The following SLC25A28 variants were observed in gnomAD, a reference collection of about 807,000 sequenced individuals.
SLC25A28 encodes the protein solute carrier family 25 member 28.
SLC25A28 carries 10 observed loss-of-function variants against 31.9 expected under a neutral mutation model. That is an observed-to-expected ratio of 0.31 (90% CI 0.19 to 0.53). SLC25A28 has a LOEUF of 0.53. Ranked by LOEUF, SLC25A28 falls within the 20% of genes least tolerant of loss-of-function variation. The pLI is 0.95. For missense variants in SLC25A28, 256 were observed against 490.3 expected (o/e 0.52, Z 4.51); for synonymous variants, 208 against 203.6 (o/e 1.02, Z -0.19).
upstream of SLC25A28, among the ~76,000 whole-genome samples, chr10:99,624,891 C>T (rs996614328): frequency 6.6e-6 from 1 of 152,104 alleles, no homozygotes; most frequent in South Asian, 2.1e-4. Context: ...AAACCCTCAG[C>T]AGTTTCCTGC....
chr10:99,655,470 T>C, the SLC25A28 span, among the ~76,000 whole-genome samples: 1 of 152,160 alleles, frequency 6.6e-6, no homozygotes, highest in Non-Finnish European at 1.5e-5. Context: ...ATACTTCCAC[T>C]CAAAAACACC....
At chr10:99,636,366 G>T in the SLC25A28 span, among the ~76,000 whole-genome samples, 1 of 152,134 alleles carries the variant, frequency 6.6e-6, no homozygotes, top group African/African-American at 2.4e-5. Context: ...ACCTGCTCCC[G>T]AATGAGCATT....
At chr10:99,614,986 T>C (rs1225812041) in intron 1 of SLC25A28, among the ~76,000 whole-genome samples, 1 of 152,232 alleles carries the variant, frequency 6.6e-6, no homozygotes, top group Admixed American at 6.5e-5. Context: ...GGTGAGCCAA[T>C]GGAAGCAAGT....
Position 99,613,718 on chromosome 10 carries a change from C to T in SLC25A28, c.498G>A (p.Gly166=), listed in dbSNP as rs1307277333. The part of the protein sequence containing the change: ...KKTLSDVIHP[G]GNSHIANGAA... ...TACCATTGGCAATATGGCTATTGCCCCCAGGGTGGATTACATCACTCAATG... is the reference window on the plus strand; with the variant it reads ...TACCATTGGCAATATGGCTATTGCCTCCAGGGTGGATTACATCACTCAATG... The change falls in exon 2 of 4, where the codon GGG becomes GGA. Residue 166 remains glycine (G), a synonymous_variant. Coordinates refer to ENST00000370495, the MANE Select transcript of SLC25A28 (RefSeq NM_031212.4). The surrounding 1 kb of genome is among the most constrained non-coding windows in gnomAD (Gnocchi z 4.9). 1.2e-6 allele frequency: 2 copies of T among 1,614,172 alleles called. No homozygotes were observed. Among genetic ancestry groups the T allele is most frequent in the Middle Eastern group, 1.6e-4 (1 of 6,062 alleles).
the SLC25A28 span, among the ~76,000 whole-genome samples, chr10:99,627,442 T>G: frequency 7.2e-6 from 1 of 139,048 alleles, no homozygotes; most frequent in Non-Finnish European, 1.6e-5. Context: ...TTTATTCATC[T>G]TGTTTTTTTT....
At chr10:99,648,503 C>T in the SLC25A28 span, among the ~76,000 whole-genome samples, 4 of 151,770 alleles carry the variant, frequency 2.6e-5, no homozygotes, top group Admixed American at 6.6e-5. Context: ...ATTGGTAATT[C>T]GATAGGGATT....
At chr10:99,628,229 C>T in the SLC25A28 span, among the ~76,000 whole-genome samples, 2 of 152,122 alleles carry the variant, frequency 1.3e-5, no homozygotes, top group East Asian at 3.9e-4. Context: ...GGGCAATGAT[C>T]CCTCTCTGGT....
chr10:99,639,603 TACTC>T, the SLC25A28 span, among the ~76,000 whole-genome samples: 2 of 152,014 alleles, frequency 1.3e-5, no homozygotes, highest in African/African-American at 4.8e-5. Context: ...TAATAACTCT[TACTC>T]AACCTCATTG....
intron 1 of SLC25A28, among the ~76,000 whole-genome samples, chr10:99,615,082 C>T (rs2034615158): frequency 6.6e-6 from 1 of 152,044 alleles, no homozygotes; most frequent in African/African-American, 2.4e-5. Context: ...CGGCCAGGCA[C>T]GGTGGCTCAC....
upstream of SLC25A28, among the ~76,000 whole-genome samples, chr10:99,623,872 A>C (rs1009980678): frequency 1.3e-5 from 2 of 152,180 alleles, no homozygotes; most frequent in African/African-American, 4.8e-5. Flanking sequence ...AGTGAGAAAT[A>C]AATCTTAGTT....
rs910048634 is a variant in SLC25A28 at position 99,613,793 on chromosome 10, T to C, written c.423A>G (p.Ala141=). Residue 141 remains alanine (A), a synonymous_variant, in exon 2 of 4, where the codon GCA becomes GCG. Coordinates refer to ENST00000370495, the MANE Select transcript of SLC25A28 (RefSeq NM_031212.4). This position sits in a 1 kb window ranked among gnomAD's most constrained non-coding sequence, Gnocchi z 4.9. ...MRGLNVTATG[A]GPAHALYFAC... Reference sequence around the variant, plus strand: ...CAAAATAAAGGGCGTGGGCAGGCCCTGCGCCTGTTGCTGTGACGTTCAGCC... The same window carrying C: ...CAAAATAAAGGGCGTGGGCAGGCCCCGCGCCTGTTGCTGTGACGTTCAGCC... 3.7e-6 allele frequency: 6 copies of C among 1,614,256 alleles called. No homozygotes were observed. Among genetic ancestry groups the C allele is most frequent in the Non-Finnish European group, 5.1e-6 (6 of 1,180,044 alleles).
At chr10:99,659,279 C>G in the SLC25A28 span, among the ~76,000 whole-genome samples, 1 of 152,254 alleles carries the variant, frequency 6.6e-6, no homozygotes. The surrounding 1 kb of genome is among the most constrained non-coding windows in gnomAD (Gnocchi z 4.1). Context: ...CAGGCGGAGC[C>G]TCGGTACGAC....
chr10:99,637,462 G>C, the SLC25A28 span, among the ~76,000 whole-genome samples: 1 of 151,862 alleles, frequency 6.6e-6, no homozygotes, highest in Non-Finnish European at 1.5e-5. Context: ...GAGAAAGAAA[G>C]GACATTCAAA....
Position 99,619,941 on chromosome 10 carries a change from G to A in SLC25A28, c.291+104C>T, listed in dbSNP as rs894984713. The A allele has an allele frequency of 1.1e-5, 14 of 1,231,258 alleles. No homozygotes were observed. The African/African-American group carries it at 1.6e-4, about 14-fold the overall frequency. 76.3% of individuals were successfully genotyped at this position (1,231,258 alleles called of 1,614,324 possible). A position where few individuals can be genotyped will look rare whatever the true frequency, so the allele number is the denominator to read the frequency against. On this transcript the variant is annotated intron_variant, in intron 1 of 3. Coordinates refer to ENST00000370495, the MANE Select transcript of SLC25A28 (RefSeq NM_031212.4). ...ATGTGGTAGTGGCAGGAGCCAGGAA[G>A]GAACCCATGTCGGCTCCGGCTCTCA... is the stretch of plus-strand genomic sequence containing the variant.
In SLC25A28 at chr10:99,613,233, T is replaced by C. The variant is rs2034571534; in HGVS notation, c.520+463A>G. Among the ~76,000 whole-genome samples, 1 of 152,194 alleles carries C rather than the reference T, an allele frequency of 6.6e-6. No homozygotes were observed. The highest frequency in any genetic ancestry group is 1.5e-5 in the Non-Finnish European group (1 of 68,042). On this transcript the variant is annotated intron_variant, in intron 2 of 3. Transcript: ENST00000370495. The surrounding 1 kb of genome is among the most constrained non-coding windows in gnomAD (Gnocchi z 4.9). ...TTCATTTTGTCATGAGGCTTTGTCA[T>C]GTTCTCAACACAAACTGCCTCTGGT...
the SLC25A28 span, among the ~76,000 whole-genome samples, chr10:99,649,348 T>C: frequency 6.6e-6 from 1 of 152,230 alleles, no homozygotes; most frequent in Non-Finnish European, 1.5e-5. Context: ...TTGAATTTGA[T>C]TTGCTAATAT....
rs375391342 is a variant in SLC25A28, at chr10:99,620,153, C to T, written c.183G>A (p.Pro61=). The T allele has an allele frequency of 2.5e-6, 4 of 1,569,080 alleles. No homozygotes were observed. The African/African-American group carries it at 4.2e-5, about 16-fold the overall frequency. Residue 61 remains proline (P), a synonymous_variant, in exon 1 of 4, where the codon CCG becomes CCA. Coordinates refer to ENST00000370495, the MANE Select transcript of SLC25A28 (RefSeq NM_031212.4). ...PPVRQDPDSG[P]DYEALPAGAT... is the part of the protein sequence containing the mutation. ...CTCCAGCCGGCAGCGCCTCGTAGTCCGGGCCGGAGTCCGGATCTTGTCGTA... is the reference window on the plus strand; with the variant it reads ...CTCCAGCCGGCAGCGCCTCGTAGTCTGGGCCGGAGTCCGGATCTTGTCGTA...
chr10:99,618,743 T>G, intron 1 of SLC25A28: 1 of 985,478 alleles, frequency 1.0e-6, no homozygotes, highest in South Asian at 4.7e-5. Context: ...CCTGCCAGTT[T>G]GCTGTCATTC....
At chr10:99,642,497 A>G in the SLC25A28 span, among the ~76,000 whole-genome samples, 1 of 152,150 alleles carries the variant, frequency 6.6e-6, no homozygotes, top group Non-Finnish European at 1.5e-5. Context: ...TAAATATACA[A>G]TCATGTCATC....
Sources: allele counts gnomAD v4.1 joint callset (sites outside exome capture counted in the v4.1 genomes callset), GRCh38; gene constraint gnomAD v4.1.1; non-coding constraint Gnocchi (gnomAD v3.1); transcripts MANE v1.5; gene names NCBI Gene and HGNC (gene_info 2026-07-23, HGNC 2026-07-21).